QTMAN: variants seen among roughly 807,000 people sequenced by gnomAD.
QTMAN encodes the protein queuosine-tRNA mannosyltransferase.
At chr2:144,027,042 A>G in the QTMAN span, among the ~76,000 whole-genome samples, 1 of 152,218 alleles carries the variant, frequency 6.6e-6, no homozygotes, top group African/African-American at 2.4e-5. Context: ...AAGCAGCTGC[A>G]GTTTCTTACT....
chr2:144,160,486 TTA>T, the QTMAN span, among the ~76,000 whole-genome samples: 10 of 152,166 alleles, frequency 6.6e-5, no homozygotes, highest in African/African-American at 2.4e-4. Context: ...CACATGAGTA[TTA>T]CATGGCAAAG....
chr2:144,279,651 C>G, the QTMAN span, among the ~76,000 whole-genome samples: 2 of 152,178 alleles, frequency 1.3e-5, no homozygotes, highest in Non-Finnish European at 2.9e-5. Context: ...CTGGACCACA[C>G]TAGTTTCAAT....
At chr2:143,959,507 T>G in the QTMAN span, among the ~76,000 whole-genome samples, 6 of 151,956 alleles carry the variant, frequency 3.9e-5, no homozygotes, top group African/African-American at 1.4e-4. Context: ...TGTCACAGAG[T>G]TAAAGGAAAT....
At chr2:144,105,001 T>G in the QTMAN span, among the ~76,000 whole-genome samples, 1 of 152,244 alleles carries the variant, frequency 6.6e-6, no homozygotes, top group African/African-American at 2.4e-5. Context: ...AAACAGAGTC[T>G]GGAGTGGACC....
the QTMAN span, among the ~76,000 whole-genome samples, chr2:144,046,017 T>C: frequency 1.3e-5 from 2 of 152,300 alleles, no homozygotes; most frequent in South Asian, 2.1e-4. Flanking sequence ...AACAACTTCA[T>C]ACAAGCTAAA....
chr2:143,943,532 T>G, the QTMAN span: 2 of 152,236 alleles, frequency 1.3e-5, no homozygotes, highest in Non-Finnish European at 2.9e-5. Flanking sequence ...AAAATTTCTT[T>G]TGTGGCTCAT....
chr2:144,327,789 G>C, the QTMAN span, among the ~76,000 whole-genome samples: 17 of 152,238 alleles, frequency 1.1e-4, no homozygotes, highest in African/African-American at 4.1e-4. Context: ...AGATAGCAAG[G>C]AGAGGGAGAT....
the QTMAN span, among the ~76,000 whole-genome samples, chr2:144,169,031 T>G: frequency 6.6e-6 from 1 of 152,156 alleles, no homozygotes; most frequent in East Asian, 1.9e-4. Context: ...ACCTTATTTT[T>G]TTAAAGAAAT....
At chr2:144,066,253 G>A in the QTMAN span, among the ~76,000 whole-genome samples, 1 of 150,758 alleles carries the variant, frequency 6.6e-6, no homozygotes. Flanking sequence ...GCTTTTTACT[G>A]TACTTTCTGG....
the QTMAN span, among the ~76,000 whole-genome samples, chr2:144,054,707 C>A: frequency 1.3e-5 from 2 of 152,176 alleles, no homozygotes; most frequent in African/African-American, 4.8e-5. Context: ...CTCCTGCCCA[C>A]CAGCACTGCT....
the QTMAN span, chr2:144,007,556 A>G: frequency 6.8e-7 from 1 of 1,470,352 alleles, no homozygotes; most frequent in Non-Finnish European, 9.1e-7. Flanking sequence ...AAAAGAATGC[A>G]ATATACTTTT....
chr2:144,274,736 A>C, the QTMAN span, among the ~76,000 whole-genome samples: 4 of 152,140 alleles, frequency 2.6e-5, no homozygotes, highest in African/African-American at 4.8e-5. Flanking sequence ...TATCCTTTAT[A>C]ATAACCCAGG....
the QTMAN span, among the ~76,000 whole-genome samples, chr2:144,015,783 G>T: frequency 4.3e-4 from 65 of 152,306 alleles, no homozygotes; most frequent in Middle Eastern, 6.8e-3. Context: ...AGGTTATGTT[G>T]AAGTGGTGAG....
the QTMAN span, among the ~76,000 whole-genome samples, chr2:144,183,692 T>A: frequency 6.6e-6 from 1 of 152,212 alleles, no homozygotes; most frequent in Admixed American, 6.5e-5. Context: ...TTTAGTCTTA[T>A]CTTCCCAAAT....
At chr2:144,197,319 G>GTA in the QTMAN span, among the ~76,000 whole-genome samples, 10,103 of 143,492 alleles carry the variant, frequency 0.07, 455 homozygotes, top group Admixed American at 0.16. Flanking sequence ...GTGTGTGTGT[G>GTA]TATATATATA....
the QTMAN span, among the ~76,000 whole-genome samples, chr2:144,170,323 G>A: frequency 6.6e-6 from 1 of 152,136 alleles, no homozygotes; most frequent in Non-Finnish European, 1.5e-5. Context: ...GCTGGCAGCA[G>A]ACATAACATT....
the QTMAN span, among the ~76,000 whole-genome samples, chr2:144,212,650 C>T: frequency 6.6e-6 from 1 of 152,098 alleles, no homozygotes; most frequent in Non-Finnish European, 1.5e-5. Context: ...AATGGCCACT[C>T]CATGCTTGCT....
chr2:144,005,693 C>A, the QTMAN span: 1 of 152,078 alleles, frequency 6.6e-6, no homozygotes, highest in Non-Finnish European at 1.5e-5. Flanking sequence ...CTTTAAGCAA[C>A]TAACTTTAGG....
At chr2:144,309,622 C>T in the QTMAN span, among the ~76,000 whole-genome samples, 289 of 152,262 alleles carry the variant, frequency 1.9e-3, 2 homozygotes, top group African/African-American at 6.6e-3. Flanking sequence ...TGACTACAAA[C>T]AGACACAAGG....
Sources: gnomAD v4.1 joint callset for allele counts (sites outside exome capture counted in the v4.1 genomes callset) on GRCh38, gnomAD v4.1.1 for gene constraint, MANE v1.5 for transcripts, NCBI Gene and HGNC (gene_info 2026-07-23, HGNC 2026-07-21) for gene names.